SIRPD: variants seen among roughly 807,000 people sequenced by gnomAD.
SIRPD encodes signal-regulatory protein delta.
In SIRPD, 21 loss-of-function variants were observed where a neutral mutation model predicts 18.0. The observed-to-expected ratio is 1.17, with a 90% confidence interval of 0.83 to 1.68. The LOEUF (loss-of-function observed/expected upper bound fraction) is 1.68. Among genes scored for constraint, SIRPD ranks in the 40% most tolerant of loss-of-function variants. The pLI, the probability that SIRPD is intolerant of heterozygous loss-of-function variation, is 0.00. For synonymous variants in SIRPD, 106 were observed against 92.9 expected (o/e 1.14, Z -0.81); for missense variants, 295 against 238.4 (o/e 1.24, Z -1.56).
intron 2 of SIRPD, among the ~76,000 whole-genome samples, chr20:1,547,206 A>G (rs2090997416): frequency 6.6e-6 from 1 of 152,142 alleles, no homozygotes; most frequent in African/African-American, 2.4e-5. Flanking sequence ...GTAGGGTTCA[A>G]CTTCATTGTT....
chr20:1,536,456 C>T (rs1213620104), intron 3 of SIRPD, among the ~76,000 whole-genome samples: 1 of 142,050 alleles, frequency 7.0e-6, no homozygotes, highest in East Asian at 2.3e-4. Context: ...TAGTTGGACT[C>T]TAAATTGAGA....
At chr20:1,546,923 T>C (rs1256900057) in intron 2 of SIRPD, among the ~76,000 whole-genome samples, 2 of 152,228 alleles carry the variant, frequency 1.3e-5, no homozygotes, top group African/African-American at 4.8e-5. Context: ...TCAAGGCCCT[T>C]ATCAGATATG....
At chr20:1,550,585 A>G (rs2091014405) in intron 2 of SIRPD, among the ~76,000 whole-genome samples, 1 of 152,206 alleles carries the variant, frequency 6.6e-6, no homozygotes, top group Non-Finnish European at 1.5e-5. Context: ...TGCCTTGAAT[A>G]CTGTGAGGAA....
intron 2 of SIRPD, among the ~76,000 whole-genome samples, chr20:1,539,237 T>A (rs940848745): frequency 6.6e-6 from 1 of 152,250 alleles, no homozygotes; most frequent in African/African-American, 2.4e-5. Flanking sequence ...TCTTTTTTGA[T>A]AAATCAGTTA....
At chr20:1,544,475 T>G (rs1329577400) in intron 2 of SIRPD, among the ~76,000 whole-genome samples, 1 of 151,764 alleles carries the variant, frequency 6.6e-6, no homozygotes, top group Non-Finnish European at 1.5e-5. Flanking sequence ...GCTTGGTAGA[T>G]CTTCCTCCAT....
At chr20:1,551,587 C>A in intron 2 of SIRPD, 104 bp downstream of exon 2, 4 of 872,216 alleles carry the variant, frequency 4.6e-6, no homozygotes, top group Non-Finnish European at 5.3e-6. Context: ...TATGTTGTAC[C>A]TTCAATAATA....
intron 1 of SIRPD, among the ~76,000 whole-genome samples, chr20:1,555,906 C>A (rs1028523962): frequency 6.6e-6 from 1 of 152,176 alleles, no homozygotes; most frequent in Non-Finnish European, 1.5e-5. Context: ...GGGCTGTGTT[C>A]TCATCTGGGG....
In SIRPD at chr20:1,538,878, T is replaced by C. The variant is rs535683113; in HGVS notation, c.422-1568A>G. On this transcript the variant is annotated intron_variant, in intron 2 of 3. Transcript: ENST00000381623. ...ATATAGCAGAGATAAGTCATTCTTGTACCCTGTCTGAATTCCTTACCCACA... is the reference window on the plus strand; with the variant it reads ...ATATAGCAGAGATAAGTCATTCTTGCACCCTGTCTGAATTCCTTACCCACA... Among the ~76,000 whole-genome samples the C allele has an allele frequency of 3.7e-4, 56 of 152,356 alleles. 1 individual carries two copies. Among genetic ancestry groups the C allele is most frequent in the African/African-American group, 1.3e-3 (54 of 41,588 alleles).
chr20:1,548,217 C>G (rs769618885), intron 2 of SIRPD, among the ~76,000 whole-genome samples: 1 of 152,114 alleles, frequency 6.6e-6, no homozygotes, highest in Admixed American at 6.5e-5. Context: ...TTCGGTTTTG[C>G]TAAATATGAT....
chr20:1,556,380 T>C (rs901108555), intron 1 of SIRPD, among the ~76,000 whole-genome samples: 3 of 152,242 alleles, frequency 2.0e-5, no homozygotes, highest in Non-Finnish European at 4.4e-5. Context: ...AGCTTTATAG[T>C]TACCCTTCCT....
chr20:1,537,984 C>T (rs2090954906), intron 2 of SIRPD, among the ~76,000 whole-genome samples: 1 of 152,164 alleles, frequency 6.6e-6, no homozygotes, highest in Non-Finnish European at 1.5e-5. Flanking sequence ...TGTCCCTAGT[C>T]TGGGGCCACC....
rs117073769 is a variant in SIRPD, at chr20:1,550,115, C to T, written c.421+1576G>A. ...GTTCCGAGAAGAGTCTACCTGGGTT[C>T]CAGTACCCATAACCTGGAAGACAAG... On this transcript the variant is annotated intron_variant, in intron 2 of 3. Coordinates refer to ENST00000381623, the MANE Select transcript of SIRPD (RefSeq NM_178460.3). Among the ~76,000 whole-genome samples, 920 of 152,280 alleles carry T rather than the reference C, an allele frequency of 6.0e-3. 6 individuals carry two copies. The highest frequency in any genetic ancestry group is 9.5e-3 in the Non-Finnish European group (643 of 68,018).
chr20:1,548,068 T>A (rs2091001881), intron 2 of SIRPD, among the ~76,000 whole-genome samples: 1 of 152,202 alleles, frequency 6.6e-6, no homozygotes, highest in African/African-American at 2.4e-5. Context: ...TTGGATTGTT[T>A]TTATTACTTA....
chr20:1,534,809 G>A (rs989198129), intron 3 of SIRPD, among the ~76,000 whole-genome samples: 1 of 152,168 alleles, frequency 6.6e-6, no homozygotes, highest in African/African-American at 2.4e-5. Context: ...ATATATTACT[G>A]ATATTGAGAC....
chr20:1,545,286 C>A (rs1255336100), intron 2 of SIRPD, among the ~76,000 whole-genome samples: 4 of 152,168 alleles, frequency 2.6e-5, no homozygotes, highest in Non-Finnish European at 5.9e-5. Flanking sequence ...AACATAGTCC[C>A]ATATTTCTTG....
At chr20:1,546,787 C>T (rs2123135809) in intron 2 of SIRPD, among the ~76,000 whole-genome samples, 1 of 152,268 alleles carries the variant, frequency 6.6e-6, no homozygotes, top group Admixed American at 6.5e-5. Context: ...CTTATGAGTG[C>T]AAAGTTGTAT....
At chr20:1,550,720 AC>A (rs753904466) in intron 2 of SIRPD, among the ~76,000 whole-genome samples, 23 of 152,162 alleles carry the variant, frequency 1.5e-4, no homozygotes, top group Admixed American at 2.6e-4. Context: ...CTGGGCCCAG[AC>A]CAACCCCACC....
At chr20:1,536,511 C>T (rs2090946174) in intron 3 of SIRPD, among the ~76,000 whole-genome samples, 1 of 151,038 alleles carries the variant, frequency 6.6e-6, no homozygotes, top group African/African-American at 2.4e-5. Flanking sequence ...CCTGACTGTG[C>T]AGATCATCTT....
chr20:1,553,098 A>G (rs1402571251), intron 1 of SIRPD, among the ~76,000 whole-genome samples: 1 of 152,234 alleles, frequency 6.6e-6, no homozygotes, highest in Non-Finnish European at 1.5e-5. Flanking sequence ...GTCTCAGGAC[A>G]GACCTGGGAA....
Sources: allele counts gnomAD v4.1 joint callset (sites outside exome capture counted in the v4.1 genomes callset), GRCh38; gene constraint gnomAD v4.1.1; transcripts MANE v1.5; gene names NCBI Gene and HGNC (gene_info 2026-07-23, HGNC 2026-07-21).